Variants in LHX4 observed in about 807,000 individuals in gnomAD.
LHX4 encodes the protein LIM homeobox 4, also known as LIM/homeobox protein Lhx4.
In LHX4, 16 loss-of-function variants were observed where a neutral mutation model predicts 39.2. The observed-to-expected ratio is 0.41, with a 90% CI of 0.28 to 0.62. The LOEUF (loss-of-function observed/expected upper bound fraction) is 0.62, where lower values mean the gene tolerates loss of function less well. LHX4 is among the 20% of genes least tolerant of loss of function. The probability of loss-of-function intolerance (pLI) is 0.33; values close to 1 mark genes in which losing one functional copy is unlikely to be tolerated. For missense variants in LHX4, 439 were observed against 511.9 expected (o/e 0.86, Z 1.37); for synonymous variants, 206 against 198.1 (o/e 1.04, Z -0.33).
At chr1:180,263,327 C>T (rs965403248) in intron 2 of LHX4, among the ~76,000 whole-genome samples, 2 of 152,214 alleles carry the variant, frequency 1.3e-5, no homozygotes, top group Non-Finnish European at 2.9e-5. Context: ...GGCCTTCTCA[C>T]CTGTGACTCT....
At chr1:180,263,852 C>T (rs754831084) in intron 2 of LHX4, among the ~76,000 whole-genome samples, 5 of 152,096 alleles carry the variant, frequency 3.3e-5, no homozygotes, top group East Asian at 1.9e-4. Flanking sequence ...CCCTCTGTTC[C>T]GGGGTCTCCT....
At chr1:180,241,754 A>C (rs1664448049) in intron 1 of LHX4, among the ~76,000 whole-genome samples, 1 of 152,164 alleles carries the variant, frequency 6.6e-6, no homozygotes, top group African/African-American at 2.4e-5. Context: ...GAAAACTTTC[A>C]AATTCTCCCA....
rs759345223 is a variant in LHX4 at position 180,248,390 on chromosome 1, A to G, written c.182A>G (p.Gln61Arg). ...HSSCLKCADC[Q>R]MQLADRCFSR... is the part of the protein sequence containing the mutation. The stretch of plus-strand genomic sequence containing the variant: ...TCCTGCCTCAAGTGTGCAGACTGCC[A>G]GATGCAGCTGGCGGACAGGTGCTTC... The change falls in exon 2 of 6, where the codon CAG becomes CGG. Residue 61 changes from glutamine (Q) to arginine (R), a missense_variant. By Grantham distance (43) the Gln-to-Arg change is conservative. Coordinates refer to ENST00000263726, the MANE Select transcript of LHX4 (RefSeq NM_033343.4). 1 of 1,614,266 alleles carries G rather than the reference A, an allele frequency of 6.2e-7. No homozygotes were observed. The highest frequency in any genetic ancestry group is 1.1e-5 in the South Asian group (1 of 91,090).
intron 2 of LHX4, among the ~76,000 whole-genome samples, chr1:180,249,233 G>A (rs1291480295): frequency 6.6e-6 from 1 of 152,228 alleles, no homozygotes; most frequent in African/African-American, 2.4e-5. Context: ...ACACTTGAGT[G>A]TTAGCTCTTA....
chr1:180,272,600 A>C (rs1334044373), intron 5 of LHX4: 1 of 152,508 alleles, frequency 6.6e-6, no homozygotes, highest in Non-Finnish European at 1.5e-5. Flanking sequence ...GCATCAGCAA[A>C]ATTGTAAATT....
chr1:180,254,836 T>C (rs937547527), intron 2 of LHX4, among the ~76,000 whole-genome samples: 1 of 152,068 alleles, frequency 6.6e-6, no homozygotes, highest in Non-Finnish European at 1.5e-5. Flanking sequence ...AGCAAGGAAG[T>C]GCTTAGTCCA....
At position 180,276,628 on chromosome 1, in the gene LHX4, T is replaced by G. The variant is rs1649045094; in HGVS notation, c.*2049T>G. On this transcript the variant is annotated 3_prime_UTR_variant, in exon 6 of 6. Transcript: ENST00000263726. ...GGAAAGGAAAATGCAGTCGTCTTTT[T>G]GGAGGATGGCTTTTTAAATACACCC... 6.6e-6 allele frequency: 1 copy of G among 152,244 alleles called. No individual in the cohort carries two copies. Among genetic ancestry groups the G allele is most frequent in the Non-Finnish European group, 1.5e-5 (1 of 68,056 alleles). 9.4% of individuals were successfully genotyped at this position (152,244 alleles called of 1,614,324 possible).
intron 2 of LHX4, among the ~76,000 whole-genome samples, chr1:180,263,022 A>G (rs1648169272): frequency 6.6e-6 from 1 of 152,158 alleles, no homozygotes; most frequent in Admixed American, 6.5e-5. Flanking sequence ...CAGCAGGCTT[A>G]TCTTTCTGAA....
upstream of LHX4, among the ~76,000 whole-genome samples, chr1:180,229,747 C>T (rs1012117412): frequency 1.6e-4 from 24 of 151,720 alleles, no homozygotes; most frequent in African/African-American, 5.6e-4. Flanking sequence ...CTCCGGACCG[C>T]CTGCCCCGCT....
intron 2 of LHX4, among the ~76,000 whole-genome samples, chr1:180,261,799 C>T (rs1294906303): frequency 3.9e-5 from 6 of 152,302 alleles, no homozygotes; most frequent in East Asian, 1.9e-4. Context: ...TCGCTCACGC[C>T]GCCAGTCCAT....
At chr1:180,239,064 C>T (rs570448714) in intron 1 of LHX4, among the ~76,000 whole-genome samples, 1 of 152,228 alleles carries the variant, frequency 6.6e-6, no homozygotes, top group African/African-American at 2.4e-5. Context: ...CAGTAATAGA[C>T]CTCTTAGTTA....
chr1:180,262,151 A>G (rs1241164985), intron 2 of LHX4, among the ~76,000 whole-genome samples: 1 of 152,122 alleles, frequency 6.6e-6, no homozygotes, highest in African/African-American at 2.4e-5. Flanking sequence ...TGCCTCAACC[A>G]TGAGATAGGA....
At chr1:180,253,338 C>T (rs1404109879) in intron 2 of LHX4, among the ~76,000 whole-genome samples, 1 of 152,196 alleles carries the variant, frequency 6.6e-6, no homozygotes, top group Non-Finnish European at 1.5e-5. Context: ...CTGGAAGGAG[C>T]CAGGCAGCTG....
rs562821327 is a variant in LHX4, at chr1:180,249,182, A to C, written c.248+726A>C. ...CCTCATGAGGTTTTTATTAGCTTTAAATAAGTCTATTTATGCATCAAGTCC... is the reference window on the plus strand; with the variant it reads ...CCTCATGAGGTTTTTATTAGCTTTACATAAGTCTATTTATGCATCAAGTCC... On this transcript the variant is annotated intron_variant, in intron 2 of 5. Coordinates refer to ENST00000263726, the MANE Select transcript of LHX4 (RefSeq NM_033343.4). Among the ~76,000 whole-genome samples the C allele has an allele frequency of 1.3e-4, 20 of 152,268 alleles. No individual in the cohort carries two copies. In the South Asian group the frequency reaches 2.1e-3, roughly 16 times the overall value.
chr1:180,264,378 A>AACACACACACACACACACAC (rs10561933), intron 2 of LHX4, among the ~76,000 whole-genome samples: 2,408 of 145,360 alleles, frequency 0.017, 40 homozygotes, highest in Middle Eastern at 0.025. Flanking sequence ...ACACACACAT[A>AACACACACACACACACACAC]ACACACACAC....
intron 4 of LHX4, 135 bp from the exon 5 acceptor site, chr1:180,271,700 T>G: frequency 7.0e-6 from 9 of 1,280,736 alleles, no homozygotes; most frequent in Non-Finnish European, 1.0e-5. Context: ...GGAGAGGGGG[T>G]GGGGCGCATC....
In LHX4 at chr1:180,266,317, G is replaced by A. The variant is rs778490043; in HGVS notation, c.249-75G>A. The A allele has an allele frequency of 1.1e-5, 16 of 1,455,166 alleles. No individual in the cohort carries two copies. Among genetic ancestry groups the A allele is most frequent in the Non-Finnish European group, 1.5e-5 (16 of 1,039,872 alleles). The allele number at this position is 1,455,166 out of a possible 1,614,324, so 90.1% of individuals were successfully genotyped here. A position where few individuals can be genotyped will look rare whatever the true frequency, so the allele number is the denominator to read the frequency against. On this transcript the variant is annotated intron_variant, in intron 2 of 5. Coordinates refer to ENST00000263726, the MANE Select transcript of LHX4 (RefSeq NM_033343.4). The surrounding 1 kb of genome is among the most constrained non-coding windows in gnomAD (Gnocchi z 5.7). ...CCCGGAGTGGTGGGGTAGGAGGGAG[G>A]CTGCTCCAGGAAGTTGGGGGAAGCC...
intron 2 of LHX4, among the ~76,000 whole-genome samples, chr1:180,264,365 TACACACACACATAACACACACAC>T (rs1207536681): frequency 9.1e-6 from 1 of 109,618 alleles, no homozygotes; most frequent in African/African-American, 3.6e-5. Flanking sequence ...TTCTCTGTTA[TACACACACACATAACACACACAC>T]ACACACACAC....
chr1:180,267,904 G>A (rs1315812909), intron 3 of LHX4, among the ~76,000 whole-genome samples: 1 of 152,140 alleles, frequency 6.6e-6, no homozygotes, highest in African/African-American at 2.4e-5. Context: ...GCCAGCTGGA[G>A]CTGGGTTTGG....
Sources: gnomAD v4.1 joint callset for allele counts (sites outside exome capture counted in the v4.1 genomes callset) on GRCh38, gnomAD v4.1.1 for gene constraint, Gnocchi (gnomAD v3.1) non-coding constraint, MANE v1.5 for transcripts, NCBI Gene and HGNC (gene_info 2026-07-23, HGNC 2026-07-21) for gene names.